ACTN2: variants seen among roughly 807,000 people sequenced by gnomAD.
ACTN2 encodes alpha-actinin-2.
In ACTN2, 39 loss-of-function variants were observed where a neutral mutation model predicts 113.8. The ratio of observed to expected loss-of-function variants is 0.34; its 90% CI spans 0.27 to 0.45. The LOEUF is 0.45. ACTN2 is among the 20% of genes least tolerant of loss of function. ACTN2 has a pLI of 1.00. For missense variants in ACTN2, 992 were observed against 1,177.9 expected, an observed-to-expected ratio of 0.84 and a Z score of 2.31; for synonymous variants, 429 against 444.1, an observed-to-expected ratio of 0.97 and a Z score of 0.43.
intron 7 of ACTN2, among the ~76,000 whole-genome samples, chr1:236,733,360 G>A (rs707205): frequency 0.19 from 29,531 of 152,016 alleles, 2,892 homozygotes; most frequent in South Asian, 0.26. Context: ...TTACTCTGGC[G>A]CTGCTAATAT....
At chr1:236,724,328 C>A (rs74363192) in intron 4 of ACTN2, among the ~76,000 whole-genome samples, 1 of 152,212 alleles carries the variant, frequency 6.6e-6, no homozygotes, top group Non-Finnish European at 1.5e-5. Flanking sequence ...CAAATACAGG[C>A]ACATTAGGGT....
intron 1 of ACTN2, among the ~76,000 whole-genome samples, chr1:236,713,517 G>A (rs1227376989): frequency 6.6e-6 from 1 of 152,150 alleles, no homozygotes; most frequent in East Asian, 1.9e-4. Context: ...ATGAGCCACT[G>A]TGCCAAGCAA....
intron 12 of ACTN2, among the ~76,000 whole-genome samples, chr1:236,746,110 G>A (rs970276336): frequency 2.0e-4 from 28 of 142,874 alleles, no homozygotes; most frequent in Non-Finnish European, 3.8e-4. Context: ...AACTTGCAGT[G>A]AGCCGAGATC....
At chr1:236,709,255 TACACACACACACACAC>T (rs372642966) in intron 1 of ACTN2, among the ~76,000 whole-genome samples, 14 of 68,850 alleles carry the variant, frequency 2.0e-4, no homozygotes, top group East Asian at 7.5e-4. Flanking sequence ...TATATATATA[TACACACACACACACAC>T]ATATATATGT....
At position 236,686,613 on chromosome 1, in the gene ACTN2, C is replaced by CCAGT; in HGVS notation, c.-57_-54dup. 3 of 1,498,472 alleles carry CCAGT rather than the reference C, an allele frequency of 2.0e-6. No homozygotes were observed. 92.8% of individuals were successfully genotyped at this position (1,498,472 alleles called of 1,614,324 possible). ...CCCGCCGCCTCCGTGGGTCCGTTTG[C>CCAGT]CAGTCAGCCCGTGCGTCCGAGCCCC... is the stretch of plus-strand genomic sequence containing the variant. On this transcript the variant is annotated 5_prime_UTR_variant, in exon 1 of 21. Transcript: ENST00000366578.
At position 236,719,021 on chromosome 1, in the gene ACTN2, G is replaced by A; in HGVS notation, c.361+8G>A. The A allele has an allele frequency of 6.2e-7, 1 of 1,613,812 alleles. No homozygotes were observed. The highest frequency in any genetic ancestry group is 8.5e-7 in the Non-Finnish European group (1 of 1,179,918). ...TGTCCATTGGCGCTGAAGGTGAGAG[G>A]TGTGGTGGGTGGTCCTGTCTGCCAC... is the stretch of plus-strand genomic sequence containing the variant. On this transcript the variant is annotated splice_region_variant and intron_variant, in intron 3 of 20. Coordinates refer to ENST00000366578, the MANE Select transcript of ACTN2 (RefSeq NM_001103.4).
chr1:236,739,587 T>C, intron 10 of ACTN2, 55 bp downstream of exon 10: 1 of 1,587,660 alleles, frequency 6.3e-7, no homozygotes, highest in South Asian at 1.1e-5. Context: ...CCTTCTAGCC[T>C]AAAGGCGTTT....
intron 1 of ACTN2, among the ~76,000 whole-genome samples, chr1:236,713,520 C>T (rs189506157): frequency 6.6e-6 from 1 of 152,210 alleles, no homozygotes; most frequent in South Asian, 2.1e-4. Context: ...AGCCACTGTG[C>T]CAAGCAAAGT....
In ACTN2 at chr1:236,736,000, T is replaced by C. The variant is rs902507657; in HGVS notation, c.783+280T>C. Among the ~76,000 whole-genome samples, 7 of 152,148 alleles carry C rather than the reference T, an allele frequency of 4.6e-5. 1 individual carries two copies. Among genetic ancestry groups the C allele is most frequent in the African/African-American group, 1.7e-4 (7 of 41,422 alleles). On this transcript the variant is annotated intron_variant, in intron 8 of 20. Coordinates refer to ENST00000366578, the MANE Select transcript of ACTN2 (RefSeq NM_001103.4). ...AAGTATTTGTGCTTTAGAAAAAAAA[T>C]GCCATGAAAATTGAGCCACATGCAT... is the stretch of plus-strand genomic sequence containing the variant.
chr1:236,764,157 T>A lies in ACTN2; in HGVS notation c.*1538T>A, dbSNP rs1659783701. ...GACTCTTCTTCCTACACTGGGCCAT[T>A]TAGAACCTTCAACCTTTATGAATTT... On this transcript the variant is annotated 3_prime_UTR_variant, in exon 21 of 21. Transcript: ENST00000366578. 6.6e-6 allele frequency: 1 copy of A among 152,220 alleles called. No individual in the cohort carries two copies. 9.4% of individuals were successfully genotyped at this position (152,220 alleles called of 1,614,324 possible).
intron 12 of ACTN2, among the ~76,000 whole-genome samples, chr1:236,746,929 C>A (rs1419903651): frequency 6.6e-6 from 1 of 152,134 alleles, no homozygotes; most frequent in Non-Finnish European, 1.5e-5. Flanking sequence ...AGTCATGGTG[C>A]CATTCTGGAC....
intron 3 of ACTN2, 59 bp downstream of exon 3, chr1:236,719,072 C>T: frequency 1.2e-6 from 2 of 1,608,640 alleles, no homozygotes; most frequent in Non-Finnish European, 1.7e-6. Flanking sequence ...TAGGTGTGGG[C>T]TGCGACTTGA....
intron 1 of ACTN2, among the ~76,000 whole-genome samples, chr1:236,703,433 C>CTTTTTTTTTTTTTTT (rs35432183): frequency 1.0e-5 from 1 of 98,836 alleles, no homozygotes; most frequent in Non-Finnish European, 2.0e-5. Context: ...GGCCTACTAC[C>CTTTTTTTTTTTTTTT]TTTTTTTTTT....
chr1:236,755,692 A>AG (rs1157703370), intron 17 of ACTN2, among the ~76,000 whole-genome samples: 163 of 145,618 alleles, frequency 1.1e-3, no homozygotes, highest in African/African-American at 3.9e-3. Flanking sequence ...TATACTGCAG[A>AG]GGGCCCGCTG....
chr1:236,691,927 C>T (rs951789466), intron 1 of ACTN2, among the ~76,000 whole-genome samples: 1 of 152,164 alleles, frequency 6.6e-6, no homozygotes, highest in African/African-American at 2.4e-5. Context: ...AAAGTTGGAT[C>T]CACGAAAAAG....
intron 17 of ACTN2, among the ~76,000 whole-genome samples, chr1:236,755,594 A>G (rs971125496): frequency 6.6e-6 from 1 of 151,824 alleles, no homozygotes; most frequent in Non-Finnish European, 1.5e-5. Flanking sequence ...AAGAGTATAT[A>G]CTGCAGAGTG....
intron 9 of ACTN2, 58 bp from the exon 10 acceptor site, chr1:236,739,244 T>A: frequency 1.9e-6 from 3 of 1,546,934 alleles, no homozygotes; most frequent in South Asian, 1.1e-5. Context: ...TTTTTTTTTT[T>A]AACTGGGGGA....
chr1:236,762,977 A>C lies in ACTN2; in HGVS notation c.*358A>C, dbSNP rs1237951060. 2 of 326,502 alleles carry C rather than the reference A, an allele frequency of 6.1e-6. No homozygotes were observed. The highest frequency in any genetic ancestry group is 4.3e-5 in the African/African-American group (2 of 46,276). The allele number at this position is 326,502 out of a possible 1,614,324, so 20.2% of individuals were successfully genotyped here. On this transcript the variant is annotated 3_prime_UTR_variant, in exon 21 of 21. Transcript: ENST00000366578. ...TGAAAATACAAAATACCCAAGATTT[A>C]AGACCGGGGGGAAAAAACCACAAAT...
At chr1:236,722,975 C>G (rs1572117405) in intron 4 of ACTN2, among the ~76,000 whole-genome samples, 1 of 152,312 alleles carries the variant, frequency 6.6e-6, no homozygotes, top group East Asian at 1.9e-4. Flanking sequence ...ATTGTAGTAA[C>G]CAATTGAAGA....
Sources: allele counts gnomAD v4.1 joint callset (sites outside exome capture counted in the v4.1 genomes callset), GRCh38; gene constraint gnomAD v4.1.1; transcripts MANE v1.5; gene names NCBI Gene and HGNC (gene_info 2026-07-23, HGNC 2026-07-21).